The following SMG6 variants were observed in gnomAD, a reference collection of about 807,000 sequenced individuals.
The protein encoded by SMG6 is SMG6 nonsense mediated mRNA decay factor.
A neutral mutation model predicts 142.2 loss-of-function variants in SMG6; 66 were observed. The ratio of observed to expected loss-of-function variants is 0.46; its 90% CI spans 0.38 to 0.57. The LOEUF (loss-of-function observed/expected upper bound fraction) is 0.57. Among genes scored for constraint, SMG6 ranks in the 20% least tolerant of loss-of-function variants. SMG6 has a pLI of 0.00. For synonymous variants in SMG6, 779 were observed against 702.4 expected, an observed-to-expected ratio of 1.11 and a Z score of -1.72; for missense variants, 1,793 against 1,832.0, an observed-to-expected ratio of 0.98 and a Z score of 0.39.
chr17:2,105,071 C>A (rs993269658), intron 13 of SMG6, among the ~76,000 whole-genome samples: 4 of 150,494 alleles, frequency 2.7e-5, no homozygotes, highest in African/African-American at 4.9e-5. Context: ...TATGCACCAC[C>A]ACACCCAGCT....
chr17:2,090,390 T>C (rs1389216262), intron 13 of SMG6, among the ~76,000 whole-genome samples: 1 of 151,928 alleles, frequency 6.6e-6, no homozygotes, highest in African/African-American at 2.4e-5. Flanking sequence ...AGGTATCACA[T>C]ACTCATGTGC....
At chr17:2,142,837 A>G (rs937881346) in intron 13 of SMG6, among the ~76,000 whole-genome samples, 5 of 149,422 alleles carry the variant, frequency 3.3e-5, no homozygotes, top group African/African-American at 1.2e-4. Context: ...GCGGTGAGCC[A>G]AGATTGCGCC....
At chr17:2,129,644 A>T (rs2070033783) in intron 13 of SMG6, among the ~76,000 whole-genome samples, 1 of 151,678 alleles carries the variant, frequency 6.6e-6, no homozygotes, top group African/African-American at 2.4e-5. Context: ...AAATAAAAAA[A>T]TCAGCCTGGC....
In SMG6 at chr17:2,081,935, C is replaced by A. The variant is rs2068436100; in HGVS notation, c.3556G>T (p.Asp1186Tyr). The A allele has an allele frequency of 6.2e-7, 1 of 1,614,184 alleles. No homozygotes were observed. The highest frequency in any genetic ancestry group is 2.2e-5 in the East Asian group (1 of 44,888). Residue 1186 changes from aspartate (D) to tyrosine (Y), a missense_variant, in exon 15 of 19, where the codon GAC becomes TAC. Asp to Tyr is a radical substitution (Grantham distance 160, BLOSUM62 -3). Around this residue, in one of 3 missense-constraint regions of SMG6, gnomAD observed 1,597 missense variants for 1,584.6 expected, o/e 1.01. Coordinates refer to ENST00000263073, the MANE Select transcript of SMG6 (RefSeq NM_017575.5). ...EDEEEDVVIEDFEEDSEAEGS... is the reference protein window; with the variant it reads ...EDEEEDVVIEYFEEDSEAEGS... ...TCAGCCTCTGAATCTTCCTCAAAGT[C>A]TTCAATCACCACATCCTCCTCCTTT...
chr17:2,114,961 A>AAATAAAATAAAATAAAAT lies in SMG6; in HGVS notation c.3358-29061_3358-29060insATTTTATTTTATTTTATT, dbSNP rs1567609058. On this transcript the variant is annotated intron_variant, in intron 13 of 18. Coordinates refer to ENST00000263073, the MANE Select transcript of SMG6 (RefSeq NM_017575.5). Reference sequence around the variant, plus strand: ...TAAAATAAAATAAAATAAAAAAATGAAATGAAATGAAATAAAATAAAATAA... The same window carrying AAATAAAATAAAATAAAAT: ...TAAAATAAAATAAAATAAAAAAATGAAATAAAATAAAATAAAATAATGAAATGAAATAAAATAAAATAA... Among the ~76,000 whole-genome samples the AAATAAAATAAAATAAAAT allele has an allele frequency of 4.9e-4, 29 of 59,548 alleles. 1 individual carries two copies. The highest frequency in any genetic ancestry group is 0.01 in the Middle Eastern group (1 of 100). 39.1% of individuals were successfully genotyped at this position (59,548 alleles called of 152,430 possible).
intron 5 of SMG6, 86 bp downstream of exon 5, chr17:2,292,785 C>G: frequency 7.2e-7 from 1 of 1,395,886 alleles, no homozygotes; most frequent in Admixed American, 1.7e-5. Context: ...GACACCTGTA[C>G]AACACCCACA....
intron 8 of SMG6, among the ~76,000 whole-genome samples, chr17:2,251,748 G>A (rs550802237): frequency 1.3e-5 from 2 of 152,276 alleles, no homozygotes; most frequent in Admixed American, 6.5e-5. Context: ...AACCAGCAGA[G>A]GGACAGCCGA....
chr17:2,277,165 A>T (rs8065594), intron 8 of SMG6, among the ~76,000 whole-genome samples: 690 of 63,362 alleles, frequency 0.011, 13 homozygotes, highest in African/African-American at 0.019. Flanking sequence ...TTATTTATTT[A>T]TTTTTTATTT....
chr17:2,065,159 AG>A lies in SMG6; in HGVS notation c.4048-6del. 6.2e-7 allele frequency: 1 copy of A among 1,611,838 alleles called. No individual in the cohort carries two copies. Among genetic ancestry groups the A allele is most frequent in the Non-Finnish European group, 8.5e-7 (1 of 1,178,234 alleles). ...GATGAGATCATCGTTGTTACCCTGGAGGAAGACGTGTGTGAGAAGCACCACT... is the reference window on the plus strand; with the variant it reads ...GATGAGATCATCGTTGTTACCCTGGAGAAGACGTGTGTGAGAAGCACCACT... On this transcript the variant is annotated splice_region_variant and splice_polypyrimidine_tract_variant and intron_variant, in intron 17 of 18. Coordinates refer to ENST00000263073, the MANE Select transcript of SMG6 (RefSeq NM_017575.5).
At chr17:2,184,467 G>C (rs572050727) in intron 12 of SMG6, among the ~76,000 whole-genome samples, 1 of 151,750 alleles carries the variant, frequency 6.6e-6, no homozygotes, top group East Asian at 1.9e-4. Flanking sequence ...AGACCAGCCT[G>C]GCCAACATAG....
intron 13 of SMG6, among the ~76,000 whole-genome samples, chr17:2,146,680 T>G (rs1229195355): frequency 6.6e-6 from 1 of 152,118 alleles, no homozygotes; most frequent in Non-Finnish European, 1.5e-5. Flanking sequence ...ATCTGCCCAC[T>G]TCAGCCTCCC....
At chr17:2,088,268 A>G (rs2068620315) in intron 13 of SMG6, 1 of 985,362 alleles carries the variant, frequency 1.0e-6, no homozygotes, top group East Asian at 1.1e-4. Flanking sequence ...ACAGGGAGAA[A>G]AGCCACATGT....
intron 13 of SMG6, among the ~76,000 whole-genome samples, chr17:2,150,183 C>T (rs890156105): frequency 2.0e-5 from 3 of 152,192 alleles, no homozygotes; most frequent in Admixed American, 1.3e-4. Context: ...AGGAGTGGAG[C>T]GCGAACCCTA....
chr17:2,123,825 A>G (rs944638110), intron 13 of SMG6, among the ~76,000 whole-genome samples: 9 of 152,334 alleles, frequency 5.9e-5, no homozygotes, highest in African/African-American at 2.2e-4. Flanking sequence ...GGGGAAGGTG[A>G]CAATTCATTC....
At chr17:2,280,443 T>G (rs1217122737) in intron 8 of SMG6, 1 of 226,034 alleles carries the variant, frequency 4.4e-6, no homozygotes, top group East Asian at 1.8e-4. Context: ...TTTTGCATTT[T>G]TAGTAGAGAC....
intron 10 of SMG6, among the ~76,000 whole-genome samples, chr17:2,196,239 T>C (rs1426045933): frequency 6.6e-6 from 1 of 152,064 alleles, no homozygotes; most frequent in East Asian, 1.9e-4. Flanking sequence ...CTGGCCAACA[T>C]GGTGAAACCC....
At chr17:2,121,607 GT>G (rs2069698402) in intron 13 of SMG6, among the ~76,000 whole-genome samples, 1 of 60,778 alleles carries the variant, frequency 1.6e-5, no homozygotes, top group Non-Finnish European at 3.0e-5. Context: ...GTGTGTGTGT[GT>G]GTGTGTGTGT....
At position 2,258,218 on chromosome 17, in the gene SMG6, T is replaced by C. The variant is rs887576427; in HGVS notation, c.2662-13499A>G. Among the ~76,000 whole-genome samples the C allele has an allele frequency of 3.9e-5, 6 of 152,000 alleles. No homozygotes were observed. The East Asian group carries it at 9.7e-4, about 24-fold the overall frequency. On this transcript the variant is annotated intron_variant, in intron 8 of 18. Coordinates refer to ENST00000263073, the MANE Select transcript of SMG6 (RefSeq NM_017575.5). ...TTACAGAAAACAGCAAAGAGGTTAA[T>C]TGACTTGCCTAGAGCCTGAGCTCTT...
At chr17:2,185,278 A>C (rs2071942447) in intron 12 of SMG6, among the ~76,000 whole-genome samples, 1 of 152,018 alleles carries the variant, frequency 6.6e-6, no homozygotes, top group Non-Finnish European at 1.5e-5. Flanking sequence ...GACACACAGA[A>C]CTTTGCGCTC....
Sources: allele counts gnomAD v4.1 joint callset (sites outside exome capture counted in the v4.1 genomes callset), GRCh38; gene constraint gnomAD v4.1.1; regional missense constraint gnomAD v4.1.1; transcripts MANE v1.5; gene names NCBI Gene and HGNC (gene_info 2026-07-23, HGNC 2026-07-21).